XYLT1: variants seen among roughly 807,000 people sequenced by gnomAD.
XYLT1 encodes beta-D-xylosyltransferase 1.
A neutral mutation model predicts 91.3 loss-of-function variants in XYLT1; 36 were observed. The observed-to-expected ratio is 0.39, with a 90% CI of 0.30 to 0.52. The LOEUF is 0.52. Among genes scored for constraint, XYLT1 ranks in the 20% least tolerant of loss-of-function variants. The pLI, the probability that XYLT1 is intolerant of heterozygous loss-of-function variation, is 0.68. For synonymous variants in XYLT1, 588 were observed against 532.0 expected (o/e 1.11, Z -1.45); for missense variants, 1,242 against 1,284.5 (o/e 0.97, Z 0.51).
In XYLT1 at chr16:17,312,984, C is replaced by T. The variant is rs1596477001; in HGVS notation, c.402+45028G>A. 6.6e-6 allele frequency among the ~76,000 whole-genome samples: 1 copy of T among 152,216 alleles called. No individual in the cohort carries two copies. Among genetic ancestry groups the T allele is most frequent in the East Asian group, 1.9e-4 (1 of 5,188 alleles). On this transcript the variant is annotated intron_variant, in intron 2 of 11. Transcript: ENST00000261381. This position sits in a 1 kb window ranked among gnomAD's most constrained non-coding sequence, Gnocchi z 4.4. Reference sequence around the variant, plus strand: ...TCCTCTTGGAAAAGCTCCCCCTGGCCGGGGCTGAGCAGGGAAGCTGGGAGA... The same window carrying T: ...TCCTCTTGGAAAAGCTCCCCCTGGCTGGGGCTGAGCAGGGAAGCTGGGAGA...
intron 2 of XYLT1, among the ~76,000 whole-genome samples, chr16:17,356,762 T>G (rs1031612522): frequency 1.3e-5 from 2 of 152,182 alleles, no homozygotes; most frequent in Non-Finnish European, 2.9e-5. Context: ...ACGAGGCCTG[T>G]CCTGTCTGCC....
chr16:17,445,454 A>C (rs923213493), intron 1 of XYLT1, among the ~76,000 whole-genome samples: 2 of 152,334 alleles, frequency 1.3e-5, no homozygotes, highest in Admixed American at 6.5e-5. Context: ...CTTCTGCCCA[A>C]GGGCCTCTCT....
intron 3 of XYLT1, among the ~76,000 whole-genome samples, chr16:17,242,684 T>C (rs1461913334): frequency 2.0e-5 from 3 of 152,250 alleles, no homozygotes; most frequent in Non-Finnish European, 4.4e-5. Context: ...GTGTTAAGTA[T>C]ATTCATATTG....
chr16:17,256,303 G>A (rs935448966), intron 3 of XYLT1, among the ~76,000 whole-genome samples: 4 of 152,086 alleles, frequency 2.6e-5, no homozygotes, highest in Admixed American at 6.5e-5. Context: ...TGGGGGACCT[G>A]GCATAAGTCT....
At chr16:17,189,682 CAACGATATT>C (rs1469667098) in intron 5 of XYLT1, among the ~76,000 whole-genome samples, 1 of 152,188 alleles carries the variant, frequency 6.6e-6, no homozygotes, top group East Asian at 1.9e-4. Flanking sequence ...AGATGAACCT[CAACGATATT>C]AAGCTAAGTG....
At chr16:17,389,014 C>T (rs1397857940) in intron 1 of XYLT1, among the ~76,000 whole-genome samples, 1 of 152,198 alleles carries the variant, frequency 6.6e-6, no homozygotes, top group Non-Finnish European at 1.5e-5. Flanking sequence ...TAGCCCTGTC[C>T]TGGGGAAACA....
chr16:17,156,373 A>G (rs1280985959), intron 6 of XYLT1, among the ~76,000 whole-genome samples: 1 of 152,246 alleles, frequency 6.6e-6, no homozygotes, highest in Non-Finnish European at 1.5e-5. Context: ...ACAACTTTGC[A>G]CAAATCACCT....
At chr16:17,120,506 G>A (rs1215949896) in intron 10 of XYLT1, among the ~76,000 whole-genome samples, 1 of 151,904 alleles carries the variant, frequency 6.6e-6, no homozygotes, top group African/African-American at 2.4e-5. Flanking sequence ...TCTCTGGACC[G>A]GTCTACCTTT....
At position 17,211,369 on chromosome 16, in the gene XYLT1, G is replaced by A. The variant is rs573398918; in HGVS notation, c.914-10715C>T. 5.9e-5 allele frequency among the ~76,000 whole-genome samples: 9 copies of A among 152,266 alleles called. No homozygotes were observed. The South Asian group carries it at 1.9e-3, about 32-fold the overall frequency. Reference sequence around the variant, plus strand: ...AATGTTTTGATCTTTCTGGATGAGGGCTCCCACTTGCTTTAGGGGCCCAGG... The same window carrying A: ...AATGTTTTGATCTTTCTGGATGAGGACTCCCACTTGCTTTAGGGGCCCAGG... On this transcript the variant is annotated intron_variant, in intron 3 of 11. Coordinates refer to ENST00000261381, the MANE Select transcript of XYLT1 (RefSeq NM_022166.4).
At chr16:17,136,179 A>ATGAT (rs1284635155) in intron 8 of XYLT1, among the ~76,000 whole-genome samples, 6 of 152,224 alleles carry the variant, frequency 3.9e-5, no homozygotes, top group African/African-American at 1.2e-4. Flanking sequence ...GGCAGGTATT[A>ATGAT]TGATTCCCAT....
At chr16:17,352,739 T>C (rs1301944048) in intron 2 of XYLT1, among the ~76,000 whole-genome samples, 2 of 152,200 alleles carry the variant, frequency 1.3e-5, no homozygotes, top group Admixed American at 6.5e-5. Context: ...GTTTGTCTTA[T>C]TTCCATCCAC....
chr16:17,238,346 C>T (rs571445642), intron 3 of XYLT1, among the ~76,000 whole-genome samples: 14 of 152,272 alleles, frequency 9.2e-5, no homozygotes, highest in Middle Eastern at 3.4e-3. Flanking sequence ...AAAGTAATTA[C>T]GGTTTTTGCT....
rs1404467825 is a variant in XYLT1 at position 17,103,803 on chromosome 16, T to TAAGA, written c.*4888_*4891dup. The TAAGA allele has an allele frequency of 6.6e-6, 1 of 151,974 alleles. No individual in the cohort carries two copies. Among genetic ancestry groups the TAAGA allele is most frequent in the Admixed American group, 6.6e-5 (1 of 15,266 alleles). 9.4% of individuals were successfully genotyped at this position (151,974 alleles called of 1,614,324 possible). ...TCACTTTCTCCCTGCATACGCCTGG[T>TAAGA]AAGACCAGAGCCAAAGACAACGTGA... On this transcript the variant is annotated 3_prime_UTR_variant, in exon 12 of 12. Coordinates refer to ENST00000261381, the MANE Select transcript of XYLT1 (RefSeq NM_022166.4).
intron 1 of XYLT1, among the ~76,000 whole-genome samples, chr16:17,366,432 G>A (rs1380288689): frequency 6.6e-6 from 1 of 152,214 alleles, no homozygotes; most frequent in African/African-American, 2.4e-5. Context: ...TCTGGGTGTT[G>A]TGGCTCAAGC....
intron 1 of XYLT1, among the ~76,000 whole-genome samples, chr16:17,451,600 A>C (rs2036666643): frequency 6.6e-6 from 1 of 152,232 alleles, no homozygotes; most frequent in Non-Finnish European, 1.5e-5. Context: ...TCTGTAAAGC[A>C]TGCACTCATA....
At position 17,312,998 on chromosome 16, in the gene XYLT1, G is replaced by A. The variant is rs1375721305; in HGVS notation, c.402+45014C>T. 6.6e-6 allele frequency among the ~76,000 whole-genome samples: 1 copy of A among 152,232 alleles called. No homozygotes were observed. The highest frequency in any genetic ancestry group is 1.9e-4 in the East Asian group (1 of 5,196). ...CTCCCCCTGGCCGGGGCTGAGCAGG[G>A]AAGCTGGGAGAGAGGGCATGTCCGC... On this transcript the variant is annotated intron_variant, in intron 2 of 11. Coordinates refer to ENST00000261381, the MANE Select transcript of XYLT1 (RefSeq NM_022166.4). This position sits in a 1 kb window ranked among gnomAD's most constrained non-coding sequence, Gnocchi z 4.4.
At chr16:17,338,292 G>A (rs1487058849) in intron 2 of XYLT1, 3 of 456,398 alleles carry the variant, frequency 6.6e-6, no homozygotes, top group Admixed American at 4.7e-5. Flanking sequence ...CATCTTCAGT[G>A]GCTCCCCATT....
chr16:17,442,809 A>T (rs1567204829), intron 1 of XYLT1, among the ~76,000 whole-genome samples: 1 of 152,204 alleles, frequency 6.6e-6, no homozygotes, highest in Non-Finnish European at 1.5e-5. Context: ...AGATCGCCTT[A>T]TTCCTACTCA....
At chr16:17,113,677 C>T (rs977430681) in intron 11 of XYLT1, among the ~76,000 whole-genome samples, 1 of 152,196 alleles carries the variant, frequency 6.6e-6, no homozygotes. Context: ...AATTACTGCA[C>T]AGAGAGGCCA....
Sources: allele counts gnomAD v4.1 joint callset (sites outside exome capture counted in the v4.1 genomes callset), GRCh38; gene constraint gnomAD v4.1.1; non-coding constraint Gnocchi (gnomAD v3.1); transcripts MANE v1.5; gene names NCBI Gene and HGNC (gene_info 2026-07-23, HGNC 2026-07-21).